Variants in ZNF595 observed in about 807,000 individuals in gnomAD.
ZNF595 encodes the protein zinc finger protein 595.
ZNF595 carries 9 observed loss-of-function variants against 19.4 expected under a neutral mutation model. The observed-to-expected ratio is 0.46, with a 90% CI of 0.28 to 0.81. The LOEUF (loss-of-function observed/expected upper bound fraction) is 0.81, where lower values mean the gene tolerates loss of function less well. Among genes scored for constraint, ZNF595 ranks in the 30% least tolerant of loss-of-function variants. The probability of loss-of-function intolerance (pLI) is 0.11; values close to 1 mark genes in which losing one functional copy is unlikely to be tolerated. For synonymous variants in ZNF595, 255 were observed against 255.9 expected (o/e 1.00, Z 0.03); for missense variants, 729 against 736.0 (o/e 0.99, Z 0.11).
chr4:86,490 A>G lies in ZNF595; in HGVS notation c.986A>G (p.Glu329Gly). 6.2e-7 allele frequency: 1 copy of G among 1,614,074 alleles called. No individual in the cohort carries two copies. The change falls in exon 4 of 4, where the codon GAA (glutamate) becomes GGA (glycine). Residue 329 changes from glutamate to glycine, a missense_variant. Physicochemically the swap from Glu to Gly is moderately conservative, Grantham distance 98. This residue lies in a region of ZNF595 where 729 missense variants were observed against 675.3 expected (regional missense o/e 1.08). Coordinates refer to ENST00000610261, the MANE Select transcript of ZNF595 (RefSeq NM_182524.4). Reference protein sequence around the residue: ...KAFRQSRSLNEHKNIHTGEKP... With the variant: ...KAFRQSRSLNGHKNIHTGEKP... ...TTTAGACAGTCCAGGAGCCTGAATG[A>G]ACATAAAAATATTCATACTGGCGAA...
At position 87,715 on chromosome 4, in the gene ZNF595, A is replaced by ATTTTTT. The variant is rs33985555; in HGVS notation, c.*282_*287dup. ...ACACACAGTCCAGTTATACACTTTA[A>ATTTTTT]TTTTTTTTTTTTTTTTTTTTTTTGA... is the stretch of plus-strand genomic sequence containing the variant. On this transcript the variant is annotated 3_prime_UTR_variant, in exon 4 of 4. Transcript: ENST00000610261. 12 of 117,776 alleles carry ATTTTTT rather than the reference A, an allele frequency of 1.0e-4. No individual in the cohort carries two copies. Among genetic ancestry groups the ATTTTTT allele is most frequent in the Non-Finnish European group, 1.5e-4 (9 of 60,098 alleles). The allele number at this position is 117,776 out of a possible 1,614,324, so 7.3% of individuals were successfully genotyped here.
In ZNF595 at chr4:86,613, G is replaced by A; in HGVS notation, c.1109G>A (p.Cys370Tyr). ...CATTCTGAACAAAAACTTTACAAATGTGAAGAATGTGGCAAAGCCTTTACT... is the reference window on the plus strand; with the variant it reads ...CATTCTGAACAAAAACTTTACAAATATGAAGAATGTGGCAAAGCCTTTACT... ...SIHSEQKLYK[C>Y]EECGKAFTWS... Residue 370 changes from cysteine (C) to tyrosine (Y), a missense_variant, in exon 4 of 4, where the codon TGT (cysteine) becomes TAT (tyrosine). Physicochemically the swap from Cys to Tyr is radical, Grantham distance 194 (BLOSUM62 -2). Around this residue, in one of 2 missense-constraint regions of ZNF595, gnomAD observed 729 missense variants for 675.3 expected, o/e 1.08. Transcript: ENST00000610261. 3 of 1,613,414 alleles carry A rather than the reference G, an allele frequency of 1.9e-6. No homozygotes were observed. The highest frequency in any genetic ancestry group is 2.2e-5 in the East Asian group (1 of 44,834).
chr4:79,623 T>C (rs184566927), intron 3 of ZNF595, among the ~76,000 whole-genome samples: 16 of 152,148 alleles, frequency 1.1e-4, no homozygotes, highest in Non-Finnish European at 2.1e-4. Flanking sequence ...TTGCTTATTA[T>C]AGCTTTATAG....
chr4:84,519 T>C (rs1271442335), intron 3 of ZNF595, among the ~76,000 whole-genome samples: 5 of 152,196 alleles, frequency 3.3e-5, no homozygotes, highest in Non-Finnish European at 5.9e-5. Context: ...ATTTTAACTA[T>C]ATCACAATTC....
chr4:85,308 T>C (rs892018039), intron 3 of ZNF595, among the ~76,000 whole-genome samples: 1 of 152,236 alleles, frequency 6.6e-6, no homozygotes, highest in Non-Finnish European at 1.5e-5. Context: ...CTCTGTGTTG[T>C]TGGAGACAGA....
intron 3 of ZNF595, among the ~76,000 whole-genome samples, chr4:81,361 G>A (rs1553799893): frequency 6.6e-6 from 1 of 152,026 alleles, no homozygotes; most frequent in Non-Finnish European, 1.5e-5. Flanking sequence ...TTGTATACTT[G>A]TTCTGTTTGT....
intron 3 of ZNF595, among the ~76,000 whole-genome samples, chr4:74,557 C>T (rs1286445197): frequency 6.6e-6 from 1 of 152,218 alleles, no homozygotes; most frequent in Non-Finnish European, 1.5e-5. Flanking sequence ...GTCCTGGAGA[C>T]ATGTGCCCCA....
At position 86,809 on chromosome 4, in the gene ZNF595, A is replaced by G. The variant is rs1714211124; in HGVS notation, c.1305A>G (p.Gln435=). 6.2e-7 allele frequency: 1 copy of G among 1,613,336 alleles called. No individual in the cohort carries two copies. Among genetic ancestry groups the G allele is most frequent in the Non-Finnish European group, 8.5e-7 (1 of 1,179,770 alleles). Residue 435 remains glutamine, a synonymous_variant, in exon 4 of 4, where the codon CAA becomes CAG. Transcript: ENST00000610261. ...AAGAATGTGGCAAAGCTTTTAACCAATCCTCAACTCTTATATTACACAAGA... is the reference window on the plus strand; with the variant it reads ...AAGAATGTGGCAAAGCTTTTAACCAGTCCTCAACTCTTATATTACACAAGA... ...TCEECGKAFN[Q]SSTLILHKRI...
At chr4:81,462 A>G (rs541655246) in intron 3 of ZNF595, among the ~76,000 whole-genome samples, 4 of 152,132 alleles carry the variant, frequency 2.6e-5, no homozygotes, top group East Asian at 1.9e-4. Context: ...ATGTTTTTCT[A>G]TGTGTGGGAG....
At chr4:79,231 G>A (rs1280280873) in intron 3 of ZNF595, among the ~76,000 whole-genome samples, 1 of 151,930 alleles carries the variant, frequency 6.6e-6, no homozygotes, top group African/African-American at 2.4e-5. Flanking sequence ...TTTATTTAAG[G>A]TAATGTTCTC....
intron 3 of ZNF595, among the ~76,000 whole-genome samples, chr4:81,561 CTT>C (rs1191500573): frequency 1.3e-5 from 2 of 152,150 alleles, no homozygotes; most frequent in Non-Finnish European, 2.9e-5. Flanking sequence ...AACACATAAA[CTT>C]TACAATCTTA....
chr4:61,135 T>C (rs1712843287), intron 3 of ZNF595, among the ~76,000 whole-genome samples: 1 of 152,304 alleles, frequency 6.6e-6, no homozygotes, highest in African/African-American at 2.4e-5. Context: ...TCTACTCACC[T>C]TCTAGATTTC....
intron 1 of ZNF595, among the ~76,000 whole-genome samples, chr4:54,542 GC>G (rs1712534621): frequency 6.6e-6 from 1 of 152,294 alleles, no homozygotes; most frequent in Non-Finnish European, 1.5e-5. Context: ...CCTGCTGCCA[GC>G]CCCCACCCAA....
intron 1 of ZNF595, among the ~76,000 whole-genome samples, chr4:57,693 ACTTAAGCTTCGTTTGG>A (rs1210888417): frequency 2.8e-3 from 425 of 152,108 alleles, no homozygotes; most frequent in South Asian, 4.6e-3. Flanking sequence ...TGTACAGGAG[ACTTAAGCTTCGTTTGG>A]GTTACTTCCC....
intron 3 of ZNF595, among the ~76,000 whole-genome samples, chr4:69,994 G>A (rs1713360359): frequency 6.6e-6 from 1 of 152,186 alleles, no homozygotes; most frequent in Admixed American, 6.5e-5. Flanking sequence ...CCAGCTGGAT[G>A]TCCGGGCCAC....
At chr4:68,887 C>T (rs1713316645) in intron 3 of ZNF595, among the ~76,000 whole-genome samples, 2 of 152,230 alleles carry the variant, frequency 1.3e-5, no homozygotes, top group South Asian at 2.1e-4. Flanking sequence ...ACCTTCCCCA[C>T]TTCCCCTGAA....
At chr4:83,708 A>G (rs1392071985) in intron 3 of ZNF595, among the ~76,000 whole-genome samples, 1 of 151,266 alleles carries the variant, frequency 6.6e-6, no homozygotes, top group Non-Finnish European at 1.5e-5. Flanking sequence ...ATTTATTTGC[A>G]TGTATTTCCA....
intron 3 of ZNF595, among the ~76,000 whole-genome samples, chr4:84,969 A>T (rs1296432147): frequency 6.6e-6 from 1 of 152,146 alleles, no homozygotes; most frequent in Non-Finnish European, 1.5e-5. Flanking sequence ...TTTTGTATAT[A>T]TTGTAACATC....
At chr4:81,689 C>G (rs797040303) in intron 3 of ZNF595, among the ~76,000 whole-genome samples, 1 of 152,162 alleles carries the variant, frequency 6.6e-6, no homozygotes, top group Non-Finnish European at 1.5e-5. Flanking sequence ...AAACAACTGA[C>G]TACCTTTTCT....
Sources: allele counts gnomAD v4.1 joint callset (sites outside exome capture counted in the v4.1 genomes callset), GRCh38; gene constraint gnomAD v4.1.1; regional missense constraint gnomAD v4.1.1; transcripts MANE v1.5; gene names NCBI Gene and HGNC (gene_info 2026-07-23, HGNC 2026-07-21).